NRG4: variants seen among roughly 807,000 people sequenced by gnomAD.
NRG4 encodes neuregulin 4.
In NRG4, 10 loss-of-function variants were observed where a neutral mutation model predicts 15.0. The ratio of observed to expected loss-of-function variants is 0.67; its 90% CI spans 0.41 to 1.13. NRG4 has a LOEUF of 1.13. Among genes scored for constraint, NRG4 ranks in the 50% most tolerant of loss-of-function variants. The pLI is 0.00. For synonymous variants in NRG4, 41 were observed against 50.1 expected (o/e 0.82, Z 0.77); for missense variants, 139 against 140.2 (o/e 0.99, Z 0.04).
chr15:75,949,647 A>G (rs1239539548), intron 5 of NRG4, among the ~76,000 whole-genome samples: 1 of 152,166 alleles, frequency 6.6e-6, no homozygotes, highest in Non-Finnish European at 1.5e-5. Flanking sequence ...TTTGTATTGT[A>G]TCTAAAAATC....
At chr15:76,010,284 T>A in intron 2 of NRG4, among the ~76,000 whole-genome samples, 1 of 152,180 alleles carries the variant, frequency 6.6e-6, no homozygotes, top group East Asian at 1.9e-4. Flanking sequence ...AGTTCCTAAT[T>A]GTTTCTGTCT....
intron 3 of NRG4, among the ~76,000 whole-genome samples, chr15:75,978,082 G>T (rs1342448476): frequency 1.3e-5 from 2 of 152,120 alleles, no homozygotes; most frequent in African/African-American, 4.8e-5. Context: ...CTCCCAAAGT[G>T]CTGGGATTAC....
intron 3 of NRG4, among the ~76,000 whole-genome samples, chr15:76,052,389 CTACTGT>C (rs1457097463): frequency 6.6e-6 from 1 of 150,902 alleles, no homozygotes. Context: ...CCCAGAAAAA[CTACTGT>C]TACTATTTCC....
upstream of NRG4, chr15:76,059,930 G>C (rs907903169): frequency 1.4e-5 from 2 of 147,268 alleles, no homozygotes; most frequent in Non-Finnish European, 3.0e-5. Flanking sequence ...CCGCGAGGGG[G>C]CGGGGGGGCG....
At chr15:76,053,344 A>G (rs2036070433) in intron 2 of NRG4, 1 of 150,794 alleles carries the variant, frequency 6.6e-6, no homozygotes. Context: ...AGGCTACTTA[A>G]TCCCTCTGTG....
chr15:75,985,306 A>G (rs1462384073), intron 3 of NRG4, among the ~76,000 whole-genome samples: 1 of 152,244 alleles, frequency 6.6e-6, no homozygotes, highest in Non-Finnish European at 1.5e-5. Flanking sequence ...GATACATGGG[A>G]TGAAGTCTGA....
At chr15:75,959,256 T>C (rs1487563267) in intron 4 of NRG4, 1 of 220,324 alleles carries the variant, frequency 4.5e-6, no homozygotes, top group East Asian at 1.4e-4. Context: ...ATTACAGGCA[T>C]GAGCCACAGC....
chr15:76,042,682 G>C (rs898083168), intron 4 of NRG4, among the ~76,000 whole-genome samples: 9 of 151,916 alleles, frequency 5.9e-5, no homozygotes, highest in Non-Finnish European at 1.3e-4. Flanking sequence ...TCCCAACAAA[G>C]GAAAGCCGGA....
chr15:75,967,456 A>ATTTTTTTTTTTTTTTTTTTTTTTTTTT (rs71140189), intron 3 of NRG4, among the ~76,000 whole-genome samples: 2 of 100,178 alleles, frequency 2.0e-5, no homozygotes, highest in African/African-American at 3.6e-5. Flanking sequence ...AAAATCTTAG[A>ATTTTTTTTTTTTTTTTTTTTTTTTTTT]TTTTTTTTTT....
At chr15:75,967,112 C>CAAAA (rs1300663699) in intron 3 of NRG4, among the ~76,000 whole-genome samples, 2 of 51,176 alleles carry the variant, frequency 3.9e-5, no homozygotes, top group African/African-American at 7.4e-5. Context: ...GACTCCGTCT[C>CAAAA]AAAAAAAAAA....
intron 5 of NRG4, among the ~76,000 whole-genome samples, chr15:76,034,452 C>T (rs549486363): frequency 5.3e-5 from 8 of 152,116 alleles, no homozygotes; most frequent in Non-Finnish European, 1.0e-4. Flanking sequence ...CCCTCTTTGG[C>T]GACATCTAAG....
rs190110922 is a variant in NRG4 at position 75,990,202 on chromosome 15, T to C, written c.104+18998A>G. Among the ~76,000 whole-genome samples, 195 of 152,294 alleles carry C rather than the reference T, an allele frequency of 1.3e-3. 2 individuals are homozygous for C. The highest frequency in any genetic ancestry group is 4.3e-4 in the Non-Finnish European group (29 of 68,018). ...TCTAATGTAGCATCTGACAAGATAA[T>C]CAAAAGGGATCTCTGTGCAGATTTC... is the stretch of plus-strand genomic sequence containing the variant. On this transcript the variant is annotated intron_variant, in intron 3 of 5. Coordinates refer to ENST00000394907, the MANE Select transcript of NRG4 (RefSeq NM_138573.4).
At chr15:76,050,437 GTTTTTTTTTTTTT>G (rs71444951) in intron 4 of NRG4, among the ~76,000 whole-genome samples, 12 of 91,878 alleles carry the variant, frequency 1.3e-4, no homozygotes, top group Non-Finnish European at 2.6e-4. Flanking sequence ...CCGAGCCTTC[GTTTTTTTTTTTTT>G]TTTTTTTTTG....
downstream of NRG4, chr15:75,938,756 C>A (rs1045318541): frequency 1.3e-5 from 2 of 152,098 alleles, no homozygotes; most frequent in African/African-American, 4.8e-5. Flanking sequence ...ACATATCACA[C>A]ACAAAGAAGT....
chr15:75,962,764 C>T (rs2032592619), intron 3 of NRG4, among the ~76,000 whole-genome samples: 1 of 152,144 alleles, frequency 6.6e-6, no homozygotes, highest in East Asian at 1.9e-4. Flanking sequence ...ACAAGAATGA[C>T]ACTGTTTGGC....
At chr15:75,976,044 T>A (rs574609202) in intron 3 of NRG4, among the ~76,000 whole-genome samples, 1 of 152,270 alleles carries the variant, frequency 6.6e-6, no homozygotes, top group Admixed American at 6.5e-5. Flanking sequence ...TCCTTTTCAT[T>A]TTTTTCTCTA....
chr15:76,053,709 C>T (rs959356736), intron 2 of NRG4, among the ~76,000 whole-genome samples: 2 of 150,476 alleles, frequency 1.3e-5, no homozygotes, highest in Non-Finnish European at 2.9e-5. Flanking sequence ...GCGTATACTA[C>T]GACGCCCAGC....
chr15:76,049,863 T>C (rs62027648), intron 4 of NRG4, among the ~76,000 whole-genome samples: 61 of 151,028 alleles, frequency 4.0e-4, no homozygotes, highest in Non-Finnish European at 7.8e-4. Context: ...CATCCTTCTC[T>C]CTAGTCTTGG....
chr15:76,007,427 CTTTTTTT>C, intron 3 of NRG4, among the ~76,000 whole-genome samples: 1 of 133,520 alleles, frequency 7.5e-6, no homozygotes, highest in South Asian at 2.4e-4. Context: ...ATTAAACGCA[CTTTTTTT>C]TTTTTTTTTT....
Sources: allele counts gnomAD v4.1 joint callset (sites outside exome capture counted in the v4.1 genomes callset), GRCh38; gene constraint gnomAD v4.1.1; transcripts MANE v1.5; gene names NCBI Gene and HGNC (gene_info 2026-07-23, HGNC 2026-07-21).